STAB2: variants seen among roughly 807,000 people sequenced by gnomAD.
STAB2 encodes the protein stabilin-2.
A neutral mutation model predicts 338.1 loss-of-function variants in STAB2; 288 were observed. That is an observed-to-expected ratio of 0.85 (90% CI 0.77 to 0.94). The LOEUF (loss-of-function observed/expected upper bound fraction) is 0.94, where lower values mean the gene tolerates loss of function less well. Ranked by LOEUF, STAB2 falls within the 40% of genes least tolerant of loss-of-function variation. The pLI is 0.00. For missense variants in STAB2, 3,141 were observed against 3,210.1 expected, an observed-to-expected ratio of 0.98 and a Z score of 0.52; for synonymous variants, 1,202 against 1,193.3, an observed-to-expected ratio of 1.01 and a Z score of -0.15.
At chr12:103,608,328 G>C (rs1406767557) in intron 3 of STAB2, among the ~76,000 whole-genome samples, 2 of 152,064 alleles carry the variant, frequency 1.3e-5, no homozygotes, top group East Asian at 1.9e-4. Context: ...ATTTTGAGTG[G>C]AGACAGGGTT....
At chr12:103,728,334 T>C (rs766811199) in intron 47 of STAB2, among the ~76,000 whole-genome samples, 6 of 152,150 alleles carry the variant, frequency 3.9e-5, no homozygotes, top group Non-Finnish European at 5.9e-5. Flanking sequence ...GGTCTCGAAC[T>C]CCTGGCCTCA....
rs1884955916 is a variant in STAB2, at chr12:103,766,271, C to T, written c.7606-15C>T. 1 of 1,614,038 alleles carries T rather than the reference C, an allele frequency of 6.2e-7. No homozygotes were observed. Among genetic ancestry groups the T allele is most frequent in the Non-Finnish European group, 8.5e-7 (1 of 1,180,002 alleles). ...CACAGAATGCCCTGCCCCCTTACAA[C>T]CCTCTCTTTTCCAGGACTCTGAAGA... On this transcript the variant is annotated splice_polypyrimidine_tract_variant and intron_variant, in intron 68 of 68. Coordinates refer to ENST00000388887, the MANE Select transcript of STAB2 (RefSeq NM_017564.10).
chr12:103,651,298 A>G (rs949168336), intron 11 of STAB2, among the ~76,000 whole-genome samples: 4 of 134,428 alleles, frequency 3.0e-5, no homozygotes, highest in African/African-American at 1.1e-4. Flanking sequence ...ATGTGTTTTT[A>G]TTTTTCCTGA....
intron 3 of STAB2, among the ~76,000 whole-genome samples, chr12:103,613,811 A>G (rs956333100): frequency 1.3e-5 from 2 of 152,090 alleles, no homozygotes; most frequent in African/African-American, 4.8e-5. Flanking sequence ...AGCTGTTCCT[A>G]TTCGGCCATC....
chr12:103,633,011 G>A (rs549624405), intron 6 of STAB2, among the ~76,000 whole-genome samples: 1 of 152,226 alleles, frequency 6.6e-6, no homozygotes. Flanking sequence ...AGCGGTGGTA[G>A]TAACAGGATG....
intron 10 of STAB2, 75 bp downstream of exon 10, chr12:103,648,898 C>A: frequency 6.4e-7 from 1 of 1,560,022 alleles, no homozygotes; most frequent in South Asian, 1.2e-5. Flanking sequence ...TACAATGATT[C>A]AGAAAGGGAC....
chr12:103,694,673 AC>A (rs1878245991), intron 31 of STAB2, among the ~76,000 whole-genome samples: 1 of 152,174 alleles, frequency 6.6e-6, no homozygotes, highest in Admixed American at 6.5e-5. Flanking sequence ...GACCTCAGTC[AC>A]ACTTGTATAC....
chr12:103,614,367 A>T (rs1348269108), intron 3 of STAB2, among the ~76,000 whole-genome samples: 1 of 152,200 alleles, frequency 6.6e-6, no homozygotes, highest in Non-Finnish European at 1.5e-5. Flanking sequence ...AAGTTTACAG[A>T]ATTTTCTTTC....
chr12:103,635,023 G>A (rs1023863733), intron 6 of STAB2, among the ~76,000 whole-genome samples: 9 of 152,200 alleles, frequency 5.9e-5, no homozygotes, highest in Admixed American at 2.0e-4. Flanking sequence ...GAAGGGGTGG[G>A]GGAATAGTCT....
In STAB2 at chr12:103,620,495, G is replaced by A. The variant is rs761448416; in HGVS notation, c.359G>A (p.Cys120Tyr). The A allele has an allele frequency of 2.5e-6, 4 of 1,584,976 alleles. No homozygotes were observed. The South Asian group carries it at 4.6e-5, about 18-fold the overall frequency. ...IECPGGAGSP[C>Y]NGRGSCAEGM... The stretch of plus-strand genomic sequence containing the variant: ...TGCCCAGGTGGAGCGGGGTCACCCT[G>A]CAATGGCAGAGGCAGTTGTGCTGAA... The change falls in exon 4 of 69, where the codon TGC becomes TAC. Residue 120 changes from cysteine (C) to tyrosine (Y), a missense_variant. Physicochemically the swap from Cys to Tyr is radical, Grantham distance 194. Transcript: ENST00000388887.
chr12:103,751,935 A>G (rs1013394055), intron 60 of STAB2, among the ~76,000 whole-genome samples: 3 of 143,576 alleles, frequency 2.1e-5, no homozygotes, highest in African/African-American at 7.5e-5. Context: ...AGCTTTCCCT[A>G]TAGGCACAGT....
chr12:103,715,840 T>C lies in STAB2; in HGVS notation c.4563T>C (p.His1521=), dbSNP rs1222045684. The part of the protein sequence containing the change: ...CLEINPCLEN[H]GGCDKNAECT... The stretch of plus-strand genomic sequence containing the variant: ...AAATCAACCCGTGTTTGGAGAACCA[T>C]GGTGGCTGTGACAAGAATGCGGAGT... Residue 1521 remains histidine (H), a synonymous_variant, in exon 43 of 69, where the codon CAT becomes CAC. Transcript: ENST00000388887. The C allele has an allele frequency of 3.7e-6, 6 of 1,614,104 alleles. 1 individual carries two copies. The South Asian group carries it at 5.5e-5, about 15-fold the overall frequency.
intron 18 of STAB2, 56 bp from the exon 19 acceptor site, chr12:103,666,235 C>T (rs1331098714): frequency 2.9e-5 from 45 of 1,552,894 alleles, no homozygotes; most frequent in Admixed American, 6.7e-5. Flanking sequence ...ACAGGACCAT[C>T]GCCACTGCTC....
At chr12:103,674,196 T>C in intron 23 of STAB2, 109 bp downstream of exon 23, 1 of 1,273,018 alleles carries the variant, frequency 7.9e-7, no homozygotes, top group Middle Eastern at 2.3e-4. Context: ...ATATCTGAAC[T>C]CTGAACTGAG....
chr12:103,633,146 C>T (rs1284258594), intron 6 of STAB2, among the ~76,000 whole-genome samples: 2 of 152,206 alleles, frequency 1.3e-5, no homozygotes, highest in African/African-American at 4.8e-5. Flanking sequence ...TCCTTGGCCA[C>T]TCCTGCCAGT....
chr12:103,642,295 G>A (rs539844521), intron 9 of STAB2, among the ~76,000 whole-genome samples: 1 of 152,332 alleles, frequency 6.6e-6, no homozygotes, highest in African/African-American at 2.4e-5. Flanking sequence ...CAGTAGAAGA[G>A]ATGAGCATTT....
At chr12:103,604,313 G>GTGT (rs1304847157) in intron 3 of STAB2, among the ~76,000 whole-genome samples, 1 of 151,990 alleles carries the variant, frequency 6.6e-6, no homozygotes, top group Non-Finnish European at 1.5e-5. Flanking sequence ...GGGGATGTTG[G>GTGT]TGTATAGTTT....
intron 63 of STAB2, chr12:103,757,822 C>G (rs1378369340): frequency 3.8e-6 from 1 of 263,090 alleles, no homozygotes. Context: ...CTTTGGGCCT[C>G]GTGAGCTGTT....
In STAB2 at chr12:103,764,079, G is replaced by A. The variant is rs142196649; in HGVS notation, c.7605+471G>A. Among the ~76,000 whole-genome samples, 791 of 151,710 alleles carry A rather than the reference G, an allele frequency of 5.2e-3. 9 individuals carry two copies. The highest frequency in any genetic ancestry group is 0.018 in the African/African-American group (756 of 41,340). ...CGGCTCATTGCAACCTCTGCCTCCCGAGTAGCTGGGATTACAGGCGCATAC... is the reference window on the plus strand; with the variant it reads ...CGGCTCATTGCAACCTCTGCCTCCCAAGTAGCTGGGATTACAGGCGCATAC... On this transcript the variant is annotated intron_variant, in intron 68 of 68. Transcript: ENST00000388887.
Sources: allele counts gnomAD v4.1 joint callset (sites outside exome capture counted in the v4.1 genomes callset), GRCh38; gene constraint gnomAD v4.1.1; transcripts MANE v1.5; gene names NCBI Gene and HGNC (gene_info 2026-07-23, HGNC 2026-07-21).